Variants in KIF16B observed in about 807,000 individuals in gnomAD.
KIF16B encodes the protein kinesin family member 16B.
A neutral mutation model predicts 156.3 loss-of-function variants in KIF16B; 98 were observed. The observed-to-expected ratio is 0.63, with a 90% CI of 0.53 to 0.74. KIF16B has a LOEUF of 0.74. Among genes scored for constraint, KIF16B ranks in the 30% least tolerant of loss-of-function variants. The pLI, the probability that KIF16B is intolerant of heterozygous loss-of-function variation, is 0.00. For synonymous variants in KIF16B, 564 were observed against 583.7 expected (o/e 0.97, Z 0.49); for missense variants, 1,421 against 1,606.5 (o/e 0.88, Z 1.97).
intron 22 of KIF16B, chr20:16,367,286 G>A (rs954839963): frequency 6.2e-7 from 1 of 1,612,892 alleles, no homozygotes. Context: ...GGGGCTTCCT[G>A]AAGGTGCTCA....
intron 15 of KIF16B, among the ~76,000 whole-genome samples, chr20:16,422,738 C>T (rs2066256595): frequency 2.6e-5 from 4 of 152,086 alleles, no homozygotes; most frequent in Admixed American, 2.6e-4. Flanking sequence ...CAAAGTTTTA[C>T]TGAAAGAAAT....
chr20:16,415,645 T>C (rs988647401), intron 15 of KIF16B, among the ~76,000 whole-genome samples: 1 of 152,128 alleles, frequency 6.6e-6, no homozygotes, highest in Admixed American at 6.6e-5. Flanking sequence ...ATCTCACTAC[T>C]CCTTCTCCTC....
chr20:16,504,864 TG>T (rs1386633176), intron 9 of KIF16B, among the ~76,000 whole-genome samples: 1 of 152,160 alleles, frequency 6.6e-6, no homozygotes, highest in Admixed American at 6.6e-5. Context: ...AAAGACTATT[TG>T]TCATCTCAAC....
At chr20:16,299,697 T>C (rs970249789) in intron 25 of KIF16B, among the ~76,000 whole-genome samples, 1 of 152,162 alleles carries the variant, frequency 6.6e-6, no homozygotes, top group African/African-American at 2.4e-5. Context: ...CATTTTGGTA[T>C]TAAATTAATG....
At chr20:16,318,936 C>T (rs754289612) in intron 24 of KIF16B, among the ~76,000 whole-genome samples, 1 of 152,164 alleles carries the variant, frequency 6.6e-6, no homozygotes, top group East Asian at 1.9e-4. Flanking sequence ...AGTAGAGAAA[C>T]TTCAGCCACG....
At chr20:16,559,171 A>G (rs1343713677) in intron 1 of KIF16B, among the ~76,000 whole-genome samples, 1 of 152,044 alleles carries the variant, frequency 6.6e-6, no homozygotes. Flanking sequence ...TCTTCCTCCA[A>G]CTCACTCTAA....
At chr20:16,467,624 T>C (rs1436904973) in intron 12 of KIF16B, among the ~76,000 whole-genome samples, 2 of 151,866 alleles carry the variant, frequency 1.3e-5, no homozygotes, top group Admixed American at 6.6e-5. Flanking sequence ...ACCTTATCTA[T>C]AAAGGGACAA....
Position 16,297,472 on chromosome 20 carries a change from C to G in KIF16B, c.3795+14863G>C, listed in dbSNP as rs149042513. On this transcript the variant is annotated intron_variant, in intron 25 of 25. Coordinates refer to ENST00000354981, the MANE Select transcript of KIF16B (RefSeq NM_024704.5). ...CTTGGGGAGGCTGAGGCGGGCACAT[C>G]ACGAGGTCAGGAGATCAAGACCATT... is the stretch of plus-strand genomic sequence containing the variant. 6.0e-3 allele frequency among the ~76,000 whole-genome samples: 915 copies of G among 152,200 alleles called. 32 individuals carry two copies. Among genetic ancestry groups the G allele is most frequent in the Admixed American group, 0.052 (799 of 15,278 alleles).
intron 25 of KIF16B, among the ~76,000 whole-genome samples, chr20:16,274,421 A>C (rs1179770417): frequency 6.6e-6 from 1 of 152,120 alleles, no homozygotes; most frequent in Non-Finnish European, 1.5e-5. Flanking sequence ...TGGGAGCTGG[A>C]GGGATGTGTT....
intron 15 of KIF16B, among the ~76,000 whole-genome samples, chr20:16,411,971 T>TGTGTGTGA (rs1191802935): frequency 6.7e-6 from 1 of 149,596 alleles, no homozygotes; most frequent in African/African-American, 2.5e-5. Flanking sequence ...TGTGTGTGTG[T>TGTGTGTGA]GACTCATTGC....
At chr20:16,502,902 C>T (rs530123354) in intron 10 of KIF16B, among the ~76,000 whole-genome samples, 4 of 152,230 alleles carry the variant, frequency 2.6e-5, no homozygotes, top group South Asian at 2.1e-4. Context: ...TTTATATAAA[C>T]AATGTTTTAA....
At chr20:16,440,555 A>G (rs1049621649) in intron 12 of KIF16B, among the ~76,000 whole-genome samples, 18 of 94,042 alleles carry the variant, frequency 1.9e-4, no homozygotes, top group Non-Finnish European at 3.0e-4. Context: ...ACACACACAC[A>G]CACACACACA....
chr20:16,480,563 G>A (rs1251723426), intron 12 of KIF16B, among the ~76,000 whole-genome samples: 2 of 152,220 alleles, frequency 1.3e-5, no homozygotes, highest in Non-Finnish European at 2.9e-5. Context: ...CTCAGAATGA[G>A]TAGGAACTCA....
At chr20:16,533,999 G>A (rs963977328) in intron 1 of KIF16B, among the ~76,000 whole-genome samples, 6 of 152,072 alleles carry the variant, frequency 3.9e-5, no homozygotes, top group Non-Finnish European at 7.4e-5. Context: ...AATGGCTCCC[G>A]CCTGTAATCC....
intron 24 of KIF16B, among the ~76,000 whole-genome samples, chr20:16,315,509 G>C (rs928672200): frequency 2.6e-5 from 4 of 152,094 alleles, no homozygotes; most frequent in African/African-American, 9.7e-5. Flanking sequence ...GGGGATCTAG[G>C]GTAAAGATGA....
intron 24 of KIF16B, among the ~76,000 whole-genome samples, chr20:16,334,336 A>G (rs1259233996): frequency 2.0e-5 from 3 of 152,230 alleles, no homozygotes; most frequent in African/African-American, 7.2e-5. Context: ...TGCTCTGTAC[A>G]TTTCATATGT....
chr20:16,312,848 C>T (rs944122273), intron 24 of KIF16B, among the ~76,000 whole-genome samples: 1 of 150,066 alleles, frequency 6.7e-6, no homozygotes, highest in African/African-American at 2.5e-5. Context: ...CTACACACTA[C>T]CTGAACATTT....
chr20:16,511,291 T>C, intron 6 of KIF16B, 127 bp downstream of exon 6: 2 of 494,576 alleles, frequency 4.0e-6, no homozygotes, highest in Non-Finnish European at 7.2e-6. Context: ...ATGACATTCT[T>C]ACTATAATAA....
chr20:16,458,763 A>AACACAC (rs370079011), intron 12 of KIF16B, among the ~76,000 whole-genome samples: 5 of 150,530 alleles, frequency 3.3e-5, no homozygotes, highest in African/African-American at 1.2e-4. Flanking sequence ...CACACATATA[A>AACACAC]ACACACACAC....
Sources: gnomAD v4.1 joint callset for allele counts (sites outside exome capture counted in the v4.1 genomes callset) on GRCh38, gnomAD v4.1.1 for gene constraint, MANE v1.5 for transcripts, NCBI Gene and HGNC (gene_info 2026-07-23, HGNC 2026-07-21) for gene names.